FAT2: variants seen among roughly 807,000 people sequenced by gnomAD.
FAT2 encodes FAT atypical cadherin 2.
In FAT2, 150 loss-of-function variants were observed where a neutral mutation model predicts 295.3. The observed-to-expected ratio is 0.51, with a 90% CI of 0.44 to 0.58. The LOEUF is 0.58. Ranked by LOEUF, FAT2 falls within the 20% of genes least tolerant of loss-of-function variation. The pLI is 0.00. For synonymous variants in FAT2, 2,026 were observed against 2,150.3 expected, an observed-to-expected ratio of 0.94 and a Z score of 1.60; for missense variants, 4,868 against 5,442.7, an observed-to-expected ratio of 0.89 and a Z score of 3.32.
Position 151,563,638 on chromosome 5 carries a change from T to A in FAT2, c.3261A>T (p.Gly1087=), listed in dbSNP as rs2127642553. 1 of 1,611,662 alleles carries A rather than the reference T, an allele frequency of 6.2e-7. No individual in the cohort carries two copies. The highest frequency in any genetic ancestry group is 1.1e-5 in the South Asian group (1 of 90,618). The change falls in exon 3 of 24, where the codon GGA becomes GGT. Residue 1087 remains glycine, a splice_region_variant and synonymous_variant. Coordinates refer to ENST00000261800, the MANE Select transcript of FAT2 (RefSeq NM_001447.3). ...LAAFSINQDT[G]MIQTLAPLDR... ...CCAGGGGTGCCAGAGTCTGAATCAT[T>A]CCTAGGGACAGTAAGTCAGCAAACC...
Position 151,568,287 on chromosome 5 carries a change from T to C in FAT2, c.645A>G (p.Gly215=), listed in dbSNP as rs369297286. The C allele has an allele frequency of 2.2e-5, 35 of 1,614,182 alleles. No individual in the cohort carries two copies. The East Asian group carries it at 3.6e-4, about 16-fold the overall frequency. The change falls in exon 2 of 24, where the codon GGA becomes GGG. Residue 215 remains glycine (G), a synonymous_variant. Transcript: ENST00000261800. ...CAGCTAGCACCTGGAGCTCATGCTT[T>C]CCTCGCCAGGTGACGTTAAGCTTCC... The part of the protein sequence containing the change: ...VAGKLNVTWR[G]KHELQVLAVD...
intron 2 of FAT2, among the ~76,000 whole-genome samples, chr5:151,564,497 T>C (rs1758163136): frequency 1.3e-5 from 2 of 152,230 alleles, no homozygotes; most frequent in Admixed American, 6.5e-5. Context: ...AAAGCCAACA[T>C]TGAGAACAAG....
At position 151,521,751 on chromosome 5, in the gene FAT2, C is replaced by T. The variant is rs769914498; in HGVS notation, c.10842G>A (p.Gly3614=). Residue 3614 remains glycine (G), a synonymous_variant, in exon 19 of 24, where the codon GGG becomes GGA. Transcript: ENST00000261800. ...VSDGTFTTTA[G]VHVYVWHVGQ... is the part of the protein sequence containing the mutation. ...CCACATGCCACACGTACACATGGAC[C>T]CCAGCAGTCGTGGTGAAGGTCCCAT... The T allele has an allele frequency of 1.7e-5, 28 of 1,613,926 alleles. No homozygotes were observed. The East Asian group carries it at 6.0e-4, about 35-fold the overall frequency.
rs774928198 is a variant in FAT2, at chr5:151,545,181, C to T, written c.5946G>A (p.Gln1982=). 6.2e-7 allele frequency: 1 copy of T among 1,614,194 alleles called. No homozygotes were observed. The highest frequency in any genetic ancestry group is 8.5e-7 in the Non-Finnish European group (1 of 1,180,030). The change falls in exon 10 of 24, where the codon CAG becomes CAA. Residue 1982 remains glutamine (Q), a synonymous_variant. Transcript: ENST00000261800. The part of the protein sequence containing the change: ...VYWAAVKENL[Q]DRKALVILGA... Reference sequence around the variant, plus strand: ...CAAGAATCACCAGTGCCTTTCTGTCCTGCAAGTTCTCCTTCACAGCTGCCC... The same window carrying T: ...CAAGAATCACCAGTGCCTTTCTGTCTTGCAAGTTCTCCTTCACAGCTGCCC...
In FAT2 at chr5:151,567,029, T is replaced by G; in HGVS notation, c.1903A>C (p.Ser635Arg). The stretch of plus-strand genomic sequence containing the variant: ...GAGGCTGTAATCTTCAGGGAATAAC[T>G]GGTGGGTTGACCAGCAGTAAGATTG... ...FINLTAGQPT[S>R]YSLKITASDG... Residue 635 changes from serine to arginine, a missense_variant, in exon 2 of 24, where the codon AGT becomes CGT. By Grantham distance (110) the Ser-to-Arg change is moderately radical. Around this residue, in one of 5 missense-constraint regions of FAT2, gnomAD observed 3,297 missense variants for 3,669.4 expected, o/e 0.90. Coordinates refer to ENST00000261800, the MANE Select transcript of FAT2 (RefSeq NM_001447.3). 1 of 1,614,112 alleles carries G rather than the reference T, an allele frequency of 6.2e-7. No homozygotes were observed.
rs916015960 is a variant in FAT2 at position 151,521,892 on chromosome 5, G to T, written c.10701C>A (p.Ser3567Arg). The change falls in exon 19 of 24, where the codon AGC becomes AGA. Residue 3567 changes from serine (S) to arginine (R), a missense_variant. Physicochemically the swap from Ser to Arg is moderately radical, Grantham distance 110. Coordinates refer to ENST00000261800, the MANE Select transcript of FAT2 (RefSeq NM_001447.3). ...DRDPQDTLTY[S>R]LAEEETLGRH... is the part of the protein sequence containing the mutation. ...TGCCCAGGGTCTCCTCTTCTGCCAG[G>T]CTATAGGTCAGCGTGTCCTGGGGGT... 1 of 1,613,980 alleles carries T rather than the reference G, an allele frequency of 6.2e-7. No individual in the cohort carries two copies. Among genetic ancestry groups the T allele is most frequent in the African/African-American group, 1.3e-5 (1 of 75,054 alleles).
At chr5:151,576,193 CT>C (rs1758741185) in intron 1 of FAT2, among the ~76,000 whole-genome samples, 1 of 152,112 alleles carries the variant, frequency 6.6e-6, no homozygotes, top group African/African-American at 2.4e-5. Context: ...AGGGAAAAAG[CT>C]AAAATTCACG....
At chr5:151,540,385 C>A (rs1219883730) in intron 11 of FAT2, among the ~76,000 whole-genome samples, 182 bp downstream of exon 11, 1 of 151,796 alleles carries the variant, frequency 6.6e-6, no homozygotes, top group Admixed American at 6.6e-5. Flanking sequence ...GCCCCTCAAT[C>A]TCCCTTCTCC....
intron 1 of FAT2, among the ~76,000 whole-genome samples, chr5:151,590,575 A>T (rs911294952): frequency 1.3e-5 from 2 of 152,132 alleles, no homozygotes; most frequent in Non-Finnish European, 2.9e-5. Flanking sequence ...GCCCTCAGAG[A>T]CTATGCATGC....
At chr5:151,553,468 G>A (rs996327209) in intron 5 of FAT2, 81 bp from the exon 6 acceptor site, 41 of 1,235,264 alleles carry the variant, frequency 3.3e-5, no homozygotes, top group East Asian at 2.8e-4. Context: ...GAACCAGAGC[G>A]TCCTGTGATT....
intron 23 of FAT2, among the ~76,000 whole-genome samples, chr5:151,506,590 G>A (rs1477174373): frequency 6.6e-6 from 1 of 152,220 alleles, no homozygotes; most frequent in Admixed American, 6.5e-5. Flanking sequence ...AGTTGGGTTA[G>A]TTAGAACAAG....
At chr5:151,547,505 C>T (rs890098220) in intron 9 of FAT2, among the ~76,000 whole-genome samples, 12 of 152,164 alleles carry the variant, frequency 7.9e-5, no homozygotes, top group Admixed American at 2.6e-4. Context: ...CCCTCTATCA[C>T]GTGAGAGCAT....
chr5:151,587,211 A>T (rs908965802), intron 1 of FAT2, among the ~76,000 whole-genome samples: 3 of 152,104 alleles, frequency 2.0e-5, no homozygotes, highest in Admixed American at 2.0e-4. Context: ...AAGCTGAGTG[A>T]TAGGGCTTCT....
chr5:151,567,535 G>T lies in FAT2; in HGVS notation c.1397C>A (p.Thr466Asn). 3 of 1,614,132 alleles carry T rather than the reference G, an allele frequency of 1.9e-6. No individual in the cohort carries two copies. The highest frequency in any genetic ancestry group is 1.6e-4 in the Middle Eastern group (1 of 6,062). ...GCCTGGAGGGATGTTCTCATCCAAGGTACCATCATAGGAAGACCTGTTGAA... is the reference window on the plus strand; with the variant it reads ...GCCTGGAGGGATGTTCTCATCCAAGTTACCATCATAGGAAGACCTGTTGAA... ...PLFNRSSYDG[T>N]LDENIPPGTS... is the part of the protein sequence containing the mutation. The change falls in exon 2 of 24, where the codon ACC becomes AAC. Residue 466 changes from threonine (T) to asparagine (N), a missense_variant. By Grantham distance (65) the Thr-to-Asn change is moderately conservative (BLOSUM62 0). Coordinates refer to ENST00000261800, the MANE Select transcript of FAT2 (RefSeq NM_001447.3).
chr5:151,521,730 A>G lies in FAT2; in HGVS notation c.10863T>C (p.His3621=). The change falls in exon 19 of 24, where the codon CAT becomes CAC. Residue 3621 remains histidine (H), a synonymous_variant. Transcript: ENST00000261800. ...CCTGCTGCAGAGCCTCCTGCCCCACATGCCACACGTACACATGGACCCCAG... is the reference window on the plus strand; with the variant it reads ...CCTGCTGCAGAGCCTCCTGCCCCACGTGCCACACGTACACATGGACCCCAG... The part of the protein sequence containing the change: ...TTAGVHVYVW[H]VGQEALQQAM... 1 of 1,613,988 alleles carries G rather than the reference A, an allele frequency of 6.2e-7. No individual in the cohort carries two copies. Among genetic ancestry groups the G allele is most frequent in the Non-Finnish European group, 8.5e-7 (1 of 1,180,014 alleles).
At chr5:151,541,603 G>T (rs1217299919) in intron 10 of FAT2, among the ~76,000 whole-genome samples, 1 of 152,196 alleles carries the variant, frequency 6.6e-6, no homozygotes, top group Non-Finnish European at 1.5e-5. Context: ...AAGGCCACAG[G>T]AGTGAAGAAA....
At position 151,567,013 on chromosome 5, in the gene FAT2, A is replaced by C; in HGVS notation, c.1919T>G (p.Ile640Ser). Residue 640 changes from isoleucine to serine, a missense_variant, in exon 2 of 24, where the codon ATT (isoleucine) becomes AGT (serine). Transcript: ENST00000261800. The stretch of plus-strand genomic sequence containing the variant: ...ATAGTTTTTGCCATCTGAGGCTGTA[A>C]TCTTCAGGGAATAACTGGTGGGTTG... ...AGQPTSYSLK[I>S]TASDGKNYAS... 6.2e-7 allele frequency: 1 copy of C among 1,614,126 alleles called. No individual in the cohort carries two copies. Among genetic ancestry groups the C allele is most frequent in the Non-Finnish European group, 8.5e-7 (1 of 1,180,024 alleles).
chr5:151,519,259 G>A (rs1363490166), intron 19 of FAT2, among the ~76,000 whole-genome samples: 1 of 152,224 alleles, frequency 6.6e-6, no homozygotes, highest in Non-Finnish European at 1.5e-5. Flanking sequence ...CAGCAGACTT[G>A]CTTGAACCTG....
intron 23 of FAT2, 129 bp from the exon 24 acceptor site, chr5:151,506,226 A>C: frequency 2.0e-6 from 2 of 977,918 alleles, no homozygotes; most frequent in Non-Finnish European, 2.8e-6. Flanking sequence ...CCATCTGTGC[A>C]GGTTGTCTCT....
Sources: gnomAD v4.1 joint callset for allele counts (sites outside exome capture counted in the v4.1 genomes callset) on GRCh38, gnomAD v4.1.1 for gene constraint, gnomAD v4.1.1 regional missense constraint, MANE v1.5 for transcripts, NCBI Gene and HGNC (gene_info 2026-07-23, HGNC 2026-07-21) for gene names.